GADL1: variants seen among roughly 807,000 people sequenced by gnomAD.
GADL1 encodes the protein GAD like acidic amino acid decarboxylase 1.
A neutral mutation model predicts 69.5 loss-of-function variants in GADL1; 71 were observed. That is an observed-to-expected ratio of 1.02 (90% confidence interval 0.84 to 1.25). The LOEUF is 1.25. GADL1 is among the 50% of genes most tolerant of loss of function. GADL1 has a pLI of 0.00. For synonymous variants in GADL1, 254 were observed against 214.4 expected (o/e 1.18, Z -1.62); for missense variants, 737 against 631.8 (o/e 1.17, Z -1.79).
At chr3:30,883,612 T>C (rs1698669807) in intron 1 of GADL1, among the ~76,000 whole-genome samples, 1 of 152,050 alleles carries the variant, frequency 6.6e-6, no homozygotes, top group Non-Finnish European at 1.5e-5. Flanking sequence ...TTAAAAATCA[T>C]TTTGGCTTTT....
chr3:30,831,066 G>A (rs1024766463), intron 11 of GADL1, among the ~76,000 whole-genome samples: 2 of 151,872 alleles, frequency 1.3e-5, no homozygotes, highest in Admixed American at 1.3e-4. Flanking sequence ...CATAGATACT[G>A]CAAGCCTTTT....
intron 9 of GADL1, among the ~76,000 whole-genome samples, chr3:30,835,784 T>C (rs1051844258): frequency 1.3e-5 from 2 of 152,026 alleles, no homozygotes; most frequent in African/African-American, 4.8e-5. Flanking sequence ...TTCAAGGGTG[T>C]TGGGTGTTCA....
intron 14 of GADL1, among the ~76,000 whole-genome samples, chr3:30,756,787 C>CT (rs1695984474): frequency 6.6e-6 from 1 of 152,162 alleles, no homozygotes; most frequent in African/African-American, 2.4e-5. Context: ...AGCTCCCTAC[C>CT]TGACCCATAG....
intron 11 of GADL1, among the ~76,000 whole-genome samples, chr3:30,811,593 C>T (rs1467258292): frequency 6.6e-6 from 1 of 152,104 alleles, no homozygotes; most frequent in Non-Finnish European, 1.5e-5. Context: ...ATCCGCCCTA[C>T]CACACATGAA....
At chr3:30,802,636 A>G (rs768239660) in intron 11 of GADL1, among the ~76,000 whole-genome samples, 2 of 152,390 alleles carry the variant, frequency 1.3e-5, no homozygotes, top group Admixed American at 6.5e-5. Flanking sequence ...AAATGAAAGC[A>G]TAAGTTTGCT....
Position 30,757,293 on chromosome 3 carries a change from A to G in GADL1, c.1392+20886T>C, listed in dbSNP as rs576269073. 4.6e-5 allele frequency among the ~76,000 whole-genome samples: 7 copies of G among 152,244 alleles called. No individual in the cohort carries two copies. The South Asian group carries it at 1.5e-3, about 32-fold the overall frequency. Reference sequence around the variant, plus strand: ...TAAATATAGCCTCTGAAATCAACCTACCCAGCCTGACATTTAAAAATCAGC... The same window carrying G: ...TAAATATAGCCTCTGAAATCAACCTGCCCAGCCTGACATTTAAAAATCAGC... On this transcript the variant is annotated intron_variant, in intron 14 of 14. Transcript: ENST00000282538.
chr3:30,744,054 A>C (rs1452748607), intron 14 of GADL1, among the ~76,000 whole-genome samples: 1 of 152,140 alleles, frequency 6.6e-6, no homozygotes, highest in Non-Finnish European at 1.5e-5. Context: ...TAAACCATTG[A>C]GATTTGGCTG....
At chr3:30,755,795 GAA>G (rs529550264) in intron 14 of GADL1, among the ~76,000 whole-genome samples, 3 of 149,502 alleles carry the variant, frequency 2.0e-5, no homozygotes, top group Non-Finnish European at 2.9e-5. Flanking sequence ...GTTGTGATTA[GAA>G]AAAGATTTAA....
intron 14 of GADL1, among the ~76,000 whole-genome samples, chr3:30,752,397 T>A (rs1006681587): frequency 6.6e-6 from 1 of 152,106 alleles, no homozygotes; most frequent in African/African-American, 2.4e-5. Context: ...GAGATAGACA[T>A]GTATGGTGAA....
chr3:30,848,411 AGTGCACAATTTGTCCTTT>A (rs1369338879), intron 6 of GADL1, among the ~76,000 whole-genome samples: 1 of 152,216 alleles, frequency 6.6e-6, no homozygotes, highest in Non-Finnish European at 1.5e-5. Flanking sequence ...AGGAGAAATT[AGTGCACAATTTGTCCTTT>A]TGCAATAAGA....
intron 14 of GADL1, among the ~76,000 whole-genome samples, chr3:30,775,186 T>C (rs1305733748): frequency 6.6e-6 from 1 of 152,208 alleles, no homozygotes; most frequent in Non-Finnish European, 1.5e-5. Context: ...ACATATGCGC[T>C]CATACCCTTC....
chr3:30,739,181 G>C (rs1397126949), intron 14 of GADL1, among the ~76,000 whole-genome samples: 1 of 152,156 alleles, frequency 6.6e-6, no homozygotes, highest in Non-Finnish European at 1.5e-5. Flanking sequence ...GTAGATGCAG[G>C]GGCCTGACAA....
At chr3:30,891,938 T>C (rs975699493) in intron 1 of GADL1, among the ~76,000 whole-genome samples, 1 of 152,190 alleles carries the variant, frequency 6.6e-6, no homozygotes, top group Admixed American at 6.5e-5. Flanking sequence ...TATAATGGTA[T>C]ATAAAAGCCA....
intron 11 of GADL1, among the ~76,000 whole-genome samples, chr3:30,811,281 A>T (rs1357883459): frequency 6.6e-6 from 1 of 152,178 alleles, no homozygotes; most frequent in Non-Finnish European, 1.5e-5. Flanking sequence ...AATAATTTTA[A>T]ACCATAACGC....
intron 12 of GADL1, among the ~76,000 whole-genome samples, chr3:30,786,898 G>C (rs1055839048): frequency 6.6e-6 from 1 of 152,142 alleles, no homozygotes. Flanking sequence ...CTGATAATCA[G>C]TATCATGTTA....
At chr3:30,739,823 T>C (rs1695590929) in intron 14 of GADL1, among the ~76,000 whole-genome samples, 1 of 152,186 alleles carries the variant, frequency 6.6e-6, no homozygotes, top group Admixed American at 6.5e-5. Context: ...GAGGTGTTTG[T>C]TCCTCCTGGA....
chr3:30,744,025 G>A (rs1244875190), intron 14 of GADL1, among the ~76,000 whole-genome samples: 1 of 152,188 alleles, frequency 6.6e-6, no homozygotes, highest in Non-Finnish European at 1.5e-5. Context: ...GCATGATCAA[G>A]AAATACACCT....
chr3:30,754,647 CTG>C (rs2125480513), intron 14 of GADL1, among the ~76,000 whole-genome samples: 1 of 152,058 alleles, frequency 6.6e-6, no homozygotes, highest in Admixed American at 6.5e-5. Flanking sequence ...AAAAAACTGC[CTG>C]TGAAATTATA....
intron 11 of GADL1, among the ~76,000 whole-genome samples, chr3:30,807,683 T>C (rs1389804950): frequency 6.6e-6 from 1 of 152,222 alleles, no homozygotes; most frequent in Non-Finnish European, 1.5e-5. Context: ...GGAAAAATGG[T>C]TAACTCCTGT....
Sources: allele counts gnomAD v4.1 joint callset (sites outside exome capture counted in the v4.1 genomes callset), GRCh38; gene constraint gnomAD v4.1.1; transcripts MANE v1.5; gene names NCBI Gene and HGNC (gene_info 2026-07-23, HGNC 2026-07-21).